RSU1: variants seen among roughly 807,000 people sequenced by gnomAD.
The protein encoded by RSU1 is Ras suppressor protein 1, also known as rsu-1.
A neutral mutation model predicts 31.1 loss-of-function variants in RSU1; 26 were observed. The observed-to-expected ratio is 0.84, with a 90% CI of 0.61 to 1.16. RSU1 has a LOEUF of 1.16. RSU1 is among the 50% of genes most tolerant of loss of function. The pLI, the probability that RSU1 is intolerant of heterozygous loss-of-function variation, is 0.00. For missense variants in RSU1, 320 were observed against 339.1 expected (o/e 0.94, Z 0.44); for synonymous variants, 164 against 136.3 (o/e 1.20, Z -1.41).
intron 6 of RSU1, 24 bp from the exon 7 acceptor site, chr10:16,752,677 C>T (rs777938126): frequency 3.9e-6 from 6 of 1,556,770 alleles, no homozygotes; most frequent in Non-Finnish European, 5.3e-6. Flanking sequence ...AACAAGTTGT[C>T]AACATATTTA....
intron 2 of RSU1, among the ~76,000 whole-genome samples, chr10:16,787,912 A>C (rs1164031450): frequency 1.3e-5 from 2 of 152,224 alleles, no homozygotes; most frequent in African/African-American, 4.8e-5. Flanking sequence ...AAAGAGGCTA[A>C]GGGGAAGAAG....
intron 7 of RSU1, among the ~76,000 whole-genome samples, chr10:16,738,957 T>C (rs572213786): frequency 6.6e-6 from 1 of 151,336 alleles, no homozygotes; most frequent in African/African-American, 2.4e-5. Context: ...CGAGAACATG[T>C]GGTGTTTGGT....
chr10:16,808,415 C>T (rs373628211), intron 2 of RSU1, among the ~76,000 whole-genome samples: 131 of 141,464 alleles, frequency 9.3e-4, no homozygotes, highest in African/African-American at 3.3e-3. Flanking sequence ...ACCTGGGAGG[C>T]GGAGGCTGCA....
At chr10:16,680,574 G>T (rs1038202016) in intron 8 of RSU1, among the ~76,000 whole-genome samples, 1 of 152,106 alleles carries the variant, frequency 6.6e-6, no homozygotes, top group Non-Finnish European at 1.5e-5. Context: ...GATGAAGGGG[G>T]TGCAGGCATG....
chr10:16,772,751 C>G (rs1029351366), intron 3 of RSU1, among the ~76,000 whole-genome samples: 1 of 151,334 alleles, frequency 6.6e-6, no homozygotes, highest in African/African-American at 2.4e-5. Flanking sequence ...TGAGTACATG[C>G]CTTTACTATG....
chr10:16,667,933 AC>A (rs1276699397), intron 8 of RSU1, among the ~76,000 whole-genome samples: 5 of 152,244 alleles, frequency 3.3e-5, no homozygotes, highest in South Asian at 4.1e-4. Flanking sequence ...GTAGAAAAAA[AC>A]GTATTAATCA....
rs532027985 is a variant in RSU1, at chr10:16,592,029, G to C, written c.*1365C>G. The C allele has an allele frequency of 5.3e-4, 80 of 152,296 alleles. No homozygotes were observed. Among genetic ancestry groups the C allele is most frequent in the African/African-American group, 1.9e-3 (77 of 41,558 alleles). 9.4% of individuals were successfully genotyped at this position (152,296 alleles called of 1,614,324 possible). A position where few individuals can be genotyped will look rare whatever the true frequency, so the allele number is the denominator to read the frequency against. ...CCTCTCTGATTGAAATGCGAAGTCT[G>C]TTTCCTAAGTAACTCAGAACTTGTT... On this transcript the variant is annotated 3_prime_UTR_variant, in exon 9 of 9. Coordinates refer to ENST00000345264, the MANE Select transcript of RSU1 (RefSeq NM_012425.4).
At chr10:16,753,979 T>C (rs931124392) in intron 5 of RSU1, among the ~76,000 whole-genome samples, 1 of 152,202 alleles carries the variant, frequency 6.6e-6, no homozygotes, top group Non-Finnish European at 1.5e-5. Context: ...CAGGCTGGTC[T>C]TGAACTCCTA....
At chr10:16,774,309 A>C (rs1588526219) in intron 3 of RSU1, among the ~76,000 whole-genome samples, 1 of 152,326 alleles carries the variant, frequency 6.6e-6, no homozygotes, top group South Asian at 2.1e-4. Context: ...TCCAAGGAGC[A>C]TCTCCTTTAA....
chr10:16,615,548 C>T (rs533764317), intron 8 of RSU1, among the ~76,000 whole-genome samples: 3 of 152,122 alleles, frequency 2.0e-5, no homozygotes, highest in African/African-American at 7.2e-5. Flanking sequence ...TAGACATCTA[C>T]AGAACTCTTC....
chr10:16,625,320 C>T (rs1169477655), intron 8 of RSU1, among the ~76,000 whole-genome samples: 1 of 152,184 alleles, frequency 6.6e-6, no homozygotes, highest in Non-Finnish European at 1.5e-5. Context: ...CAGGCCCGCC[C>T]CTACCCACTC....
At chr10:16,644,298 A>G (rs1834497608) in intron 8 of RSU1, among the ~76,000 whole-genome samples, 1 of 152,242 alleles carries the variant, frequency 6.6e-6, no homozygotes, top group Non-Finnish European at 1.5e-5. Flanking sequence ...AAAGTGAGTC[A>G]TCTCCACAAC....
chr10:16,677,312 T>C (rs556545992), intron 8 of RSU1, among the ~76,000 whole-genome samples: 1 of 152,278 alleles, frequency 6.6e-6, no homozygotes, highest in African/African-American at 2.4e-5. Flanking sequence ...AGGAGATGAA[T>C]TCTGTAAAGA....
chr10:16,650,329 A>C (rs372354536), intron 8 of RSU1, among the ~76,000 whole-genome samples: 6 of 152,336 alleles, frequency 3.9e-5, no homozygotes, highest in East Asian at 3.9e-4. Context: ...ACAGTAGCAT[A>C]GTTAAGCACA....
chr10:16,792,527 G>C (rs530540622), intron 2 of RSU1, among the ~76,000 whole-genome samples: 1 of 152,176 alleles, frequency 6.6e-6, no homozygotes, highest in East Asian at 1.9e-4. Flanking sequence ...CACTGCGCCC[G>C]GCCAGGGCTT....
Position 16,795,500 on chromosome 10 carries a change from T to C in RSU1, c.110-13416A>G, listed in dbSNP as rs1838012384. 2.0e-5 allele frequency among the ~76,000 whole-genome samples: 3 copies of C among 152,032 alleles called. No individual in the cohort carries two copies. The South Asian group carries it at 6.2e-4, about 32-fold the overall frequency. On this transcript the variant is annotated intron_variant, in intron 2 of 8. Transcript: ENST00000345264. ...TTCTCACGATAACCCTACAAGGCAATAGTAGTCTCTTCTTCCCTCTCAATT... is the reference window on the plus strand; with the variant it reads ...TTCTCACGATAACCCTACAAGGCAACAGTAGTCTCTTCTTCCCTCTCAATT...
intron 8 of RSU1, among the ~76,000 whole-genome samples, chr10:16,634,086 TG>T (rs1307185604): frequency 6.6e-6 from 1 of 152,240 alleles, no homozygotes; most frequent in African/African-American, 2.4e-5. Flanking sequence ...CCTCAGTCTT[TG>T]GCGAAGTACA....
chr10:16,814,464 A>G (rs1224180620), intron 2 of RSU1, among the ~76,000 whole-genome samples: 1 of 145,676 alleles, frequency 6.9e-6, no homozygotes, highest in Admixed American at 6.8e-5. Context: ...AAAAAAAAAA[A>G]AAAAGAAAAA....
intron 8 of RSU1, among the ~76,000 whole-genome samples, chr10:16,684,723 T>C (rs1004285652): frequency 6.6e-6 from 1 of 152,106 alleles, no homozygotes; most frequent in African/African-American, 2.4e-5. Context: ...ATGCCGTTTG[T>C]GGTACTTGGT....
Sources: gnomAD v4.1 joint callset for allele counts (sites outside exome capture counted in the v4.1 genomes callset) on GRCh38, gnomAD v4.1.1 for gene constraint, MANE v1.5 for transcripts, NCBI Gene and HGNC (gene_info 2026-07-23, HGNC 2026-07-21) for gene names.